Variants in DOCK1 observed in about 807,000 individuals in gnomAD.
The protein encoded by DOCK1 is dedicator of cytokinesis 1, also known as dedicator of cytokinesis protein 1.
DOCK1 carries 138 observed loss-of-function variants against 262.7 expected under a neutral mutation model. The ratio of observed to expected loss-of-function variants is 0.53; its 90% CI spans 0.46 to 0.61. The LOEUF (loss-of-function observed/expected upper bound fraction) is 0.61. Ranked by LOEUF, DOCK1 falls within the 20% of genes least tolerant of loss-of-function variation. DOCK1 has a pLI of 0.00. For synonymous variants in DOCK1, 866 were observed against 867.4 expected, an observed-to-expected ratio of 1.00 and a Z score of 0.03; for missense variants, 1,908 against 2,370.7, an observed-to-expected ratio of 0.80 and a Z score of 4.05.
chr10:127,272,765 G>A (rs555212022), intron 29 of DOCK1, among the ~76,000 whole-genome samples: 1 of 152,358 alleles, frequency 6.6e-6, no homozygotes, highest in South Asian at 2.1e-4. Context: ...GTTCTATGTG[G>A]CTTGGGAGGC....
intron 27 of DOCK1, among the ~76,000 whole-genome samples, chr10:127,157,781 A>G (rs2053223998): frequency 6.6e-6 from 1 of 152,174 alleles, no homozygotes; most frequent in Admixed American, 6.5e-5. Flanking sequence ...GGTTTTGTTT[A>G]AGTTTTGTTT....
intron 29 of DOCK1, among the ~76,000 whole-genome samples, chr10:127,329,918 C>G (rs1590488140): frequency 1.3e-5 from 2 of 152,214 alleles, no homozygotes; most frequent in African/African-American, 4.8e-5. Flanking sequence ...GGAGGTGAAG[C>G]TGAGGGTACC....
chr10:127,225,350 C>T (rs2058596726), intron 27 of DOCK1, among the ~76,000 whole-genome samples: 1 of 152,242 alleles, frequency 6.6e-6, no homozygotes, highest in African/African-American at 2.4e-5. Context: ...GCAGTAACTT[C>T]CTGAAGCAAA....
chr10:126,968,251 A>G (rs931205545), intron 1 of DOCK1, among the ~76,000 whole-genome samples: 9 of 152,150 alleles, frequency 5.9e-5, no homozygotes, highest in African/African-American at 2.2e-4. Flanking sequence ...TCCCTTGTCA[A>G]ATACCCTTGC....
At chr10:126,997,447 G>C (rs951921390) in intron 7 of DOCK1, among the ~76,000 whole-genome samples, 1 of 152,034 alleles carries the variant, frequency 6.6e-6, no homozygotes, top group Admixed American at 6.6e-5. Context: ...GGAAGGCGAA[G>C]TGGGAGCCAA....
chr10:127,329,387 G>A (rs554069247), intron 29 of DOCK1, among the ~76,000 whole-genome samples: 13 of 151,988 alleles, frequency 8.6e-5, no homozygotes, highest in South Asian at 8.3e-4. Context: ...GTGCTGAGGC[G>A]GAGGTCTCTG....
intron 18 of DOCK1, among the ~76,000 whole-genome samples, chr10:127,037,450 G>A (rs1367372149): frequency 1.3e-5 from 2 of 152,200 alleles, no homozygotes; most frequent in African/African-American, 4.8e-5. Flanking sequence ...GGAAAGACAA[G>A]TTCTTTTTTA....
In DOCK1 at chr10:127,240,505, T is replaced by A. The variant is rs2059227140; in HGVS notation, c.2848-7503T>A. The stretch of plus-strand genomic sequence containing the variant: ...ACACCCATTTTCCGGTGAGCTTCAG[T>A]TTTAACAATAATACCTGAATCAGCC... On this transcript the variant is annotated intron_variant, in intron 27 of 51. Coordinates refer to ENST00000623213, the MANE Select transcript of DOCK1 (RefSeq NM_001290223.2). Among the ~76,000 whole-genome samples the A allele has an allele frequency of 2.0e-5, 3 of 152,166 alleles. 1 individual carries two copies. The highest frequency in any genetic ancestry group is 7.2e-5 in the African/African-American group (3 of 41,454).
chr10:127,317,115 A>G (rs1044850620), intron 29 of DOCK1, among the ~76,000 whole-genome samples: 4 of 152,182 alleles, frequency 2.6e-5, no homozygotes, highest in Admixed American at 6.5e-5. Flanking sequence ...CTGGACCCAC[A>G]GTATGTATTT....
At chr10:127,057,829 A>C (rs2045264255) in intron 22 of DOCK1, among the ~76,000 whole-genome samples, 2 of 152,254 alleles carry the variant, frequency 1.3e-5, no homozygotes, top group African/African-American at 4.8e-5. Context: ...TAAGTTGTAC[A>C]GACCTTTTTG....
chr10:127,216,594 C>G (rs1589983738), intron 27 of DOCK1, among the ~76,000 whole-genome samples: 1 of 152,280 alleles, frequency 6.6e-6, no homozygotes, highest in South Asian at 2.1e-4. Context: ...AAACCCCACT[C>G]TCATATGTAG....
intron 38 of DOCK1, among the ~76,000 whole-genome samples, chr10:127,400,578 A>T (rs1365055175): frequency 6.6e-6 from 1 of 152,254 alleles, no homozygotes. Flanking sequence ...CAAGCTACTT[A>T]CCAGTCTGAT....
At chr10:127,323,625 G>A (rs1429795404) in intron 29 of DOCK1, among the ~76,000 whole-genome samples, 1 of 152,142 alleles carries the variant, frequency 6.6e-6, no homozygotes, top group Non-Finnish European at 1.5e-5. Flanking sequence ...TGATCCGTGG[G>A]GTGCACAGAA....
At chr10:127,261,142 C>CGT (rs2060062182) in intron 29 of DOCK1, among the ~76,000 whole-genome samples, 1 of 54,222 alleles carries the variant, frequency 1.8e-5, no homozygotes, top group African/African-American at 7.7e-5. Flanking sequence ...CATGTGTGTG[C>CGT]GTGTGTACCC....
At chr10:127,389,219 G>A (rs1410903822) in intron 38 of DOCK1, among the ~76,000 whole-genome samples, 2 of 152,168 alleles carry the variant, frequency 1.3e-5, no homozygotes, top group East Asian at 1.9e-4. Context: ...GTAGAAGCTC[G>A]AAGTGTGATG....
chr10:127,416,170 C>T (rs972271594), intron 44 of DOCK1, among the ~76,000 whole-genome samples: 5 of 152,238 alleles, frequency 3.3e-5, no homozygotes, highest in African/African-American at 9.6e-5. Flanking sequence ...CTGCTTTATA[C>T]TCAAAGCACC....
chr10:127,176,543 A>C lies in DOCK1; in HGVS notation c.2847+48779A>C, dbSNP rs1180267393. On this transcript the variant is annotated intron_variant, in intron 27 of 51. Transcript: ENST00000623213. The surrounding 1 kb of genome is among the most constrained non-coding windows in gnomAD (Gnocchi z 4.4). ...GTGAGGTCGGCCTTTATGTTAAGGA[A>C]AATCACACGGGCTGAGAGTCGCTGG... is the stretch of plus-strand genomic sequence containing the variant. 1.5e-6 allele frequency: 1 copy of C among 663,220 alleles called. No individual in the cohort carries two copies. The highest frequency in any genetic ancestry group is 1.8e-5 in the African/African-American group (1 of 55,298). The allele number at this position is 663,220 out of a possible 1,614,324, so 41.1% of individuals were successfully genotyped here.
rs781673284 is a variant in DOCK1, at chr10:127,374,281, C to A, written c.3675+67C>A. ...CACCAGAAACTGAAGCGGGGATTGC[C>A]CCAGCCCTTATCTATGACAGTCAGC... On this transcript the variant is annotated intron_variant, in intron 35 of 51. Transcript: ENST00000623213. The A allele has an allele frequency of 3.0e-4, 459 of 1,512,988 alleles. 1 individual carries two copies. Among genetic ancestry groups the A allele is most frequent in the Non-Finnish European group, 2.4e-4 (275 of 1,132,198 alleles). The allele number at this position is 1,512,988 out of a possible 1,614,324, so 93.7% of individuals were successfully genotyped here.
chr10:127,267,207 T>C (rs757815016), intron 29 of DOCK1, among the ~76,000 whole-genome samples: 22 of 152,220 alleles, frequency 1.4e-4, no homozygotes, highest in Non-Finnish European at 2.9e-4. Flanking sequence ...TGGTTGCAGA[T>C]GGTGTATCAG....
Sources: allele counts gnomAD v4.1 joint callset (sites outside exome capture counted in the v4.1 genomes callset), GRCh38; gene constraint gnomAD v4.1.1; non-coding constraint Gnocchi (gnomAD v3.1); transcripts MANE v1.5; gene names NCBI Gene and HGNC (gene_info 2026-07-23, HGNC 2026-07-21).